The following DOCK4 variants were observed in gnomAD, a reference collection of about 807,000 sequenced individuals.
The protein encoded by DOCK4 is dedicator of cytokinesis protein 4.
Under a neutral mutation model 268.1 loss-of-function variants are expected in DOCK4, and 97 were observed. The observed-to-expected ratio is 0.36, with a 90% CI of 0.31 to 0.43. DOCK4 has a LOEUF of 0.43. Ranked by LOEUF, DOCK4 falls within the 20% of genes least tolerant of loss-of-function variation. The probability of loss-of-function intolerance (pLI) is 1.00; values close to 1 mark genes in which losing one functional copy is unlikely to be tolerated. For missense variants in DOCK4, 2,145 were observed against 2,455.7 expected, an observed-to-expected ratio of 0.87 and a Z score of 2.67; for synonymous variants, 954 against 887.2, an observed-to-expected ratio of 1.08 and a Z score of -1.34.
chr7:111,738,095 A>G (rs1370618964), intron 49 of DOCK4, among the ~76,000 whole-genome samples: 1 of 152,216 alleles, frequency 6.6e-6, no homozygotes, highest in Non-Finnish European at 1.5e-5. Flanking sequence ...CTCTGCTCCT[A>G]AACTATTCCC....
chr7:112,184,468 C>A (rs1819319297), intron 1 of DOCK4, among the ~76,000 whole-genome samples: 1 of 152,216 alleles, frequency 6.6e-6, no homozygotes, highest in Admixed American at 6.5e-5. Context: ...CTTTGGCTAA[C>A]TCTAACTTCT....
chr7:111,899,918 T>C (rs1374213083), intron 15 of DOCK4, among the ~76,000 whole-genome samples: 1 of 152,190 alleles, frequency 6.6e-6, no homozygotes, highest in Non-Finnish European at 1.5e-5. Flanking sequence ...AGTGAGGCTT[T>C]GCTTCGAAAC....
At chr7:111,830,070 G>A (rs1802699794) in intron 26 of DOCK4, among the ~76,000 whole-genome samples, 1 of 152,092 alleles carries the variant, frequency 6.6e-6, no homozygotes, top group Non-Finnish European at 1.5e-5. Context: ...TATAGGTTCA[G>A]GAACATAACT....
chr7:111,910,648 C>T (rs1013466243), intron 13 of DOCK4, among the ~76,000 whole-genome samples: 1 of 152,148 alleles, frequency 6.6e-6, no homozygotes, highest in African/African-American at 2.4e-5. Flanking sequence ...TTAAAATTAG[C>T]TTTGTCGCTC....
intron 28 of DOCK4, among the ~76,000 whole-genome samples, chr7:111,811,093 T>C (rs1008821031): frequency 6.6e-6 from 1 of 152,162 alleles, no homozygotes; most frequent in Admixed American, 6.5e-5. Flanking sequence ...TACAAGAATG[T>C]ACATAAAATG....
chr7:112,186,664 A>G (rs920724792), intron 1 of DOCK4, among the ~76,000 whole-genome samples: 1 of 152,232 alleles, frequency 6.6e-6, no homozygotes, highest in Non-Finnish European at 1.5e-5. Flanking sequence ...AATTAACATT[A>G]GTACTGAGGC....
At chr7:112,200,729 AAAAAAAAAAC>A (rs1820844747) in intron 1 of DOCK4, among the ~76,000 whole-genome samples, 2 of 120,214 alleles carry the variant, frequency 1.7e-5, no homozygotes, top group East Asian at 2.1e-4. Flanking sequence ...CTAAAATAAA[AAAAAAAAAAC>A]AAAAAAAAAC....
intron 8 of DOCK4, among the ~76,000 whole-genome samples, chr7:111,947,736 TGG>T (rs1795732523): frequency 6.6e-6 from 1 of 152,150 alleles, no homozygotes; most frequent in Non-Finnish European, 1.5e-5. Flanking sequence ...TAATTTTTTT[TGG>T]GTCGGGGGGA....
chr7:112,068,735 T>C (rs747020337), intron 1 of DOCK4, among the ~76,000 whole-genome samples: 4 of 152,136 alleles, frequency 2.6e-5, no homozygotes, highest in Non-Finnish European at 5.9e-5. Flanking sequence ...TCATCCTGCA[T>C]CCCCAAGCAC....
intron 19 of DOCK4, 83 bp from the exon 20 acceptor site, chr7:111,872,173 C>G (rs2134238449): frequency 1.5e-6 from 2 of 1,369,406 alleles, no homozygotes; most frequent in South Asian, 1.4e-5. Context: ...AAAATGAACT[C>G]TTACATTATT....
At chr7:112,119,996 C>T (rs1812583799) in intron 1 of DOCK4, among the ~76,000 whole-genome samples, 1 of 151,740 alleles carries the variant, frequency 6.6e-6, no homozygotes, top group South Asian at 2.1e-4. Context: ...TACAGGTGCC[C>T]ACCACCACAA....
intron 1 of DOCK4, among the ~76,000 whole-genome samples, chr7:112,040,926 G>C (rs1456958527): frequency 6.6e-6 from 1 of 152,162 alleles, no homozygotes; most frequent in Non-Finnish European, 1.5e-5. Context: ...ACTTTAAAAA[G>C]TCTAAGTATA....
At chr7:112,050,833 G>A (rs1805286071) in intron 1 of DOCK4, among the ~76,000 whole-genome samples, 1 of 152,122 alleles carries the variant, frequency 6.6e-6, no homozygotes. Flanking sequence ...AATTGAAATT[G>A]CCAAGTATTA....
At chr7:112,140,898 G>A (rs910491174) in intron 1 of DOCK4, among the ~76,000 whole-genome samples, 3 of 152,230 alleles carry the variant, frequency 2.0e-5, no homozygotes, top group Admixed American at 1.3e-4. Flanking sequence ...ACCTGACCTC[G>A]AGCAGGCAGA....
intron 1 of DOCK4, among the ~76,000 whole-genome samples, chr7:112,200,725 T>TAAAAAAAAAAAAAAAAAAAAAAAA (rs1335683859): frequency 9.7e-6 from 1 of 102,764 alleles, no homozygotes; most frequent in Admixed American, 1.1e-4. Flanking sequence ...GCCTCTAAAA[T>TAAAAAAAAAAAAAAAAAAAAAAAA]AAAAAAAAAA....
chr7:112,126,812 C>T (rs1433616310), intron 1 of DOCK4, among the ~76,000 whole-genome samples: 1 of 152,168 alleles, frequency 6.6e-6, no homozygotes, highest in Non-Finnish European at 1.5e-5. Context: ...GAAAAAAATG[C>T]TCATCATCAC....
At chr7:112,073,539 A>G (rs987247446) in intron 1 of DOCK4, among the ~76,000 whole-genome samples, 4 of 152,144 alleles carry the variant, frequency 2.6e-5, no homozygotes, top group African/African-American at 4.8e-5. Flanking sequence ...ATAATATTTC[A>G]TTGTGTATGT....
intron 26 of DOCK4, among the ~76,000 whole-genome samples, chr7:111,830,424 T>TCAAAA (rs60548599): frequency 0.31 from 46,980 of 150,784 alleles, 9,275 homozygotes; most frequent in African/African-American, 0.57. Context: ...AGACTCATTC[T>TCAAAA]CAAAACAAAA....
At chr7:111,905,221 G>A (rs1791462406) in intron 13 of DOCK4, among the ~76,000 whole-genome samples, 1 of 152,184 alleles carries the variant, frequency 6.6e-6, no homozygotes, top group South Asian at 2.1e-4. Flanking sequence ...TGTTCAGAAA[G>A]CATCTTGGGT....
Sources: allele counts gnomAD v4.1 joint callset (sites outside exome capture counted in the v4.1 genomes callset), GRCh38; gene constraint gnomAD v4.1.1; transcripts MANE v1.5; gene names NCBI Gene and HGNC (gene_info 2026-07-23, HGNC 2026-07-21).